ARHGEF10L: variants seen among roughly 807,000 people sequenced by gnomAD.
The protein encoded by ARHGEF10L is rho guanine nucleotide exchange factor 10-like protein.
In ARHGEF10L, 69 loss-of-function variants were observed where a neutral mutation model predicts 141.2. The observed-to-expected ratio is 0.49, with a 90% CI of 0.40 to 0.60. ARHGEF10L has a LOEUF of 0.60. Ranked by LOEUF, ARHGEF10L falls within the 20% of genes least tolerant of loss-of-function variation. The pLI, the probability that ARHGEF10L is intolerant of heterozygous loss-of-function variation, is 0.00. For missense variants in ARHGEF10L, 1,482 were observed against 1,734.3 expected (o/e 0.85, Z 2.58); for synonymous variants, 711 against 718.5 (o/e 0.99, Z 0.17).
rs2061463031 is a variant in ARHGEF10L at position 17,644,072 on chromosome 1, C to T, written c.2272+3770C>T. Among the ~76,000 whole-genome samples the T allele has an allele frequency of 6.6e-6, 1 of 152,214 alleles. No individual in the cohort carries two copies. Among genetic ancestry groups the T allele is most frequent in the Non-Finnish European group, 1.5e-5 (1 of 68,036 alleles). ...CCCTCCCCGGGCCCTTGGAGCTCCT[C>T]CCACCCATGGCCCTTCTCATTCCCA... is the stretch of plus-strand genomic sequence containing the variant. On this transcript the variant is annotated intron_variant, in intron 21 of 28. Coordinates refer to ENST00000361221, the MANE Select transcript of ARHGEF10L (RefSeq NM_018125.4). This position sits in a 1 kb window ranked among gnomAD's most constrained non-coding sequence, Gnocchi z 4.5.
In ARHGEF10L at chr1:17,697,183, G is replaced by A. The variant is rs780878532; in HGVS notation, c.3643G>A (p.Asp1215Asn). ...EEDGSIYEMA[D>N]DPDIWVRSRP... ...GGACGGCTCCATTTACGAGATGGCC[G>A]ACGACCCCGACATCTGGGTGCGCAG... Residue 1215 changes from aspartate (D) to asparagine (N), a missense_variant, in exon 29 of 29, where the codon GAC (aspartate) becomes AAC (asparagine). Coordinates refer to ENST00000361221, the MANE Select transcript of ARHGEF10L (RefSeq NM_018125.4). This position sits in a 1 kb window ranked among gnomAD's most constrained non-coding sequence, Gnocchi z 4.8. 17 of 1,612,036 alleles carry A rather than the reference G, an allele frequency of 1.1e-5. No individual in the cohort carries two copies. The highest frequency in any genetic ancestry group is 1.7e-5 in the Admixed American group (1 of 59,990).
chr1:17,610,395 A>G (rs1267929144), intron 7 of ARHGEF10L, among the ~76,000 whole-genome samples: 1 of 151,986 alleles, frequency 6.6e-6, no homozygotes, highest in Non-Finnish European at 1.5e-5. Flanking sequence ...GGGGCTTTGG[A>G]CCCTTCCTCA....
chr1:17,646,664 C>T (rs2061618686), intron 21 of ARHGEF10L, among the ~76,000 whole-genome samples: 2 of 152,120 alleles, frequency 1.3e-5, no homozygotes, highest in Non-Finnish European at 2.9e-5. Flanking sequence ...GTGATACCCT[C>T]CAATGGGCTG....
At chr1:17,568,802 G>A (rs924034667) in intron 1 of ARHGEF10L, among the ~76,000 whole-genome samples, 1 of 152,042 alleles carries the variant, frequency 6.6e-6, no homozygotes, top group Non-Finnish European at 1.5e-5. Context: ...AGTTCTCTTG[G>A]GGGATCCTGG....
chr1:17,621,883 T>C lies in ARHGEF10L; in HGVS notation c.962T>C (p.Leu321Pro). ...GAGCAGGTGGTCCGGAGGCATATCCTGGGCTCCATCGTGCAGAGCGAAGGC... is the reference window on the plus strand; with the variant it reads ...GAGCAGGTGGTCCGGAGGCATATCCCGGGCTCCATCGTGCAGAGCGAAGGC... ...SPQQVVRRHI[L>P]GSIVQSEGSY... The change falls in exon 11 of 29, where the codon CTG becomes CCG. Residue 321 changes from leucine to proline, a missense_variant. Leu to Pro is a moderately conservative substitution (Grantham distance 98, BLOSUM62 -3). Coordinates refer to ENST00000361221, the MANE Select transcript of ARHGEF10L (RefSeq NM_018125.4). The surrounding 1 kb of genome is among the most constrained non-coding windows in gnomAD (Gnocchi z 4.1). 1 of 1,614,162 alleles carries C rather than the reference T, an allele frequency of 6.2e-7. No homozygotes were observed. The highest frequency in any genetic ancestry group is 1.1e-5 in the South Asian group (1 of 91,080).
intron 16 of ARHGEF10L, among the ~76,000 whole-genome samples, chr1:17,633,377 T>G (rs544588636): frequency 2.0e-4 from 31 of 152,328 alleles, no homozygotes; most frequent in Middle Eastern, 3.4e-3. Flanking sequence ...GGAATCTTGC[T>G]CTGTCTCCCA....
chr1:17,608,418 G>A (rs1051343637), intron 7 of ARHGEF10L, among the ~76,000 whole-genome samples: 47 of 152,336 alleles, frequency 3.1e-4, no homozygotes, highest in Non-Finnish European at 5.7e-4. Context: ...CTCAGCCCGC[G>A]CAGTCCTCTC....
rs1164149562 is a variant in ARHGEF10L at position 17,539,762 on chromosome 1, G to C, written c.-232G>C. The C allele has an allele frequency of 6.8e-6, 1 of 146,174 alleles. No homozygotes were observed. The highest frequency in any genetic ancestry group is 1.5e-5 in the Non-Finnish European group (1 of 65,616). 9.1% of individuals were successfully genotyped at this position (146,174 alleles called of 1,614,324 possible). A position where few individuals can be genotyped will look rare whatever the true frequency, so the allele number is the denominator to read the frequency against. On this transcript the variant is annotated 5_prime_UTR_variant, in exon 1 of 29. Transcript: ENST00000361221. This position sits in a 1 kb window ranked among gnomAD's most constrained non-coding sequence, Gnocchi z 6.0. Reference sequence around the variant, plus strand: ...GCGCGGCGGGCGCGGGCGCAGTCCCGGCGGGCCCGGACCTCGCGGGCGGGC... The same window carrying C: ...GCGCGGCGGGCGCGGGCGCAGTCCCCGCGGGCCCGGACCTCGCGGGCGGGC...
chr1:17,602,206 AGTTCCC>A lies in ARHGEF10L; in HGVS notation c.340_345del (p.Ser114_Arg115del), dbSNP rs1376567249. 2 of 1,572,800 alleles carry A rather than the reference AGTTCCC, an allele frequency of 1.3e-6. No homozygotes were observed. The highest frequency in any genetic ancestry group is 1.7e-6 in the Non-Finnish European group (2 of 1,158,952). On this transcript the variant is annotated inframe_deletion, in exon 5 of 29. Coordinates refer to ENST00000361221, the MANE Select transcript of ARHGEF10L (RefSeq NM_018125.4). Reference sequence around the variant, plus strand: ...CCGGCACTCCAGCTGGAAGCGGAAGAGTTCCCGTCGCAGTAAGTCTCCCCTCCGGCC... The same window carrying A: ...CCGGCACTCCAGCTGGAAGCGGAAGAGTCGCAGTAAGTCTCCCCTCCGGCC...
chr1:17,636,630 C>A (rs1049118213), intron 18 of ARHGEF10L, among the ~76,000 whole-genome samples: 1 of 152,070 alleles, frequency 6.6e-6, no homozygotes, highest in African/African-American at 2.4e-5. Flanking sequence ...TGCAGAGCCC[C>A]TCTGATGTGA....
At chr1:17,533,480 T>A in the ARHGEF10L span, among the ~76,000 whole-genome samples, 1 of 152,140 alleles carries the variant, frequency 6.6e-6, no homozygotes. Flanking sequence ...GCTGTGGTGA[T>A]TTTGACACTA....
chr1:17,584,152 C>T (rs2078826038), intron 2 of ARHGEF10L, among the ~76,000 whole-genome samples: 1 of 152,066 alleles, frequency 6.6e-6, no homozygotes, highest in South Asian at 2.1e-4. Flanking sequence ...TCAAGTGATC[C>T]CTCCACCTCA....
At chr1:17,629,942 C>T (rs2060588416) in intron 15 of ARHGEF10L, among the ~76,000 whole-genome samples, 1 of 152,238 alleles carries the variant, frequency 6.6e-6, no homozygotes, top group East Asian at 1.9e-4. Context: ...AAGAGCCGTT[C>T]TGCCCTCTCC....
chr1:17,607,615 C>T lies in ARHGEF10L; in HGVS notation c.434-187C>T, dbSNP rs181369337. 6.6e-6 allele frequency among the ~76,000 whole-genome samples: 1 copy of T among 152,330 alleles called. No homozygotes were observed. Among genetic ancestry groups the T allele is most frequent in the Non-Finnish European group, 1.5e-5 (1 of 68,032 alleles). On this transcript the variant is annotated intron_variant, in intron 6 of 28. Coordinates refer to ENST00000361221, the MANE Select transcript of ARHGEF10L (RefSeq NM_018125.4). This position sits in a 1 kb window ranked among gnomAD's most constrained non-coding sequence, Gnocchi z 4.5. The stretch of plus-strand genomic sequence containing the variant: ...CCCATTTTCTCAGGCCCTCCTTGCC[C>T]TACGAGGGGGAAAATGTATTATCAT...
At chr1:17,566,419 G>A (rs2077759083) in intron 1 of ARHGEF10L, among the ~76,000 whole-genome samples, 1 of 152,196 alleles carries the variant, frequency 6.6e-6, no homozygotes, top group African/African-American at 2.4e-5. Flanking sequence ...AATCAAGGTG[G>A]GATGGAAATT....
chr1:17,692,164 T>C (rs28664675), intron 27 of ARHGEF10L, among the ~76,000 whole-genome samples: 1 of 152,102 alleles, frequency 6.6e-6, no homozygotes, highest in South Asian at 2.1e-4. Context: ...GATTTAGGTG[T>C]GGGAAATAGT....
chr1:17,600,994 G>A (rs1311686659), intron 4 of ARHGEF10L, among the ~76,000 whole-genome samples: 1 of 147,836 alleles, frequency 6.8e-6, no homozygotes, highest in African/African-American at 2.5e-5. Context: ...AGGTTGCAGT[G>A]AGCCGAGATC....
At chr1:17,529,076 T>C in the ARHGEF10L span, among the ~76,000 whole-genome samples, 2 of 152,276 alleles carry the variant, frequency 1.3e-5, no homozygotes, top group East Asian at 1.9e-4. Context: ...TGATCTTGGC[T>C]CACTGCAACC....
chr1:17,569,668 C>A (rs2077909134), intron 1 of ARHGEF10L, among the ~76,000 whole-genome samples: 1 of 152,184 alleles, frequency 6.6e-6, no homozygotes, highest in Admixed American at 6.5e-5. Flanking sequence ...GGCCTGCCAA[C>A]CTGGGACACC....
Sources: gnomAD v4.1 joint callset for allele counts (sites outside exome capture counted in the v4.1 genomes callset) on GRCh38, gnomAD v4.1.1 for gene constraint, Gnocchi (gnomAD v3.1) non-coding constraint, MANE v1.5 for transcripts, NCBI Gene and HGNC (gene_info 2026-07-23, HGNC 2026-07-21) for gene names.